Variants in RTF1 observed in about 807,000 individuals in gnomAD.
The protein encoded by RTF1 is RTF1 homolog, Paf1/RNA polymerase II complex component, also known as RNA polymerase-associated protein RTF1 homolog.
RTF1 carries 10 observed loss-of-function variants against 95.7 expected under a neutral mutation model. The ratio of observed to expected loss-of-function variants is 0.10; its 90% confidence interval spans 0.06 to 0.18. The LOEUF (loss-of-function observed/expected upper bound fraction) is 0.18, where lower values mean the gene tolerates loss of function less well. Ranked by LOEUF, RTF1 falls within the 10% of genes least tolerant of loss-of-function variation. The pLI, the probability that RTF1 is intolerant of heterozygous loss-of-function variation, is 1.00. For synonymous variants in RTF1, 305 were observed against 311.8 expected (o/e 0.98, Z 0.23); for missense variants, 458 against 875.6 (o/e 0.52, Z 6.02).
chr15:41,439,506 A>G (rs80040310), intron 2 of RTF1, among the ~76,000 whole-genome samples: 2 of 152,078 alleles, frequency 1.3e-5, no homozygotes, highest in South Asian at 2.1e-4. Context: ...GGAAAATCCA[A>G]CTGTTCATTG....
intron 1 of RTF1, among the ~76,000 whole-genome samples, chr15:41,436,305 A>T (rs1248839017): frequency 1.3e-5 from 2 of 151,188 alleles, no homozygotes; most frequent in African/African-American, 2.4e-5. Context: ...AAAAAAAAAA[A>T]AAAAATTAGC....
At position 41,483,203 on chromosome 15, in the gene RTF1, A is replaced by T. The variant is rs1878547538; in HGVS notation, c.*2516A>T. 6.6e-6 allele frequency: 1 copy of T among 152,180 alleles called. No homozygotes were observed. The highest frequency in any genetic ancestry group is 2.1e-4 in the South Asian group (1 of 4,790). 9.4% of individuals were successfully genotyped at this position (152,180 alleles called of 1,614,324 possible). A position where few individuals can be genotyped will look rare whatever the true frequency, so the allele number is the denominator to read the frequency against. Reference sequence around the variant, plus strand: ...CAAGATCTTGGTCAGGCATTAAGACACTGGCTTTGTCCTACCAACTAGGAT... The same window carrying T: ...CAAGATCTTGGTCAGGCATTAAGACTCTGGCTTTGTCCTACCAACTAGGAT... On this transcript the variant is annotated 3_prime_UTR_variant, in exon 18 of 18. Coordinates refer to ENST00000389629, the MANE Select transcript of RTF1 (RefSeq NM_015138.5).
At chr15:41,460,665 C>T (rs2050842855) in intron 4 of RTF1, among the ~76,000 whole-genome samples, 1 of 151,780 alleles carries the variant, frequency 6.6e-6, no homozygotes, top group Non-Finnish European at 1.5e-5. Flanking sequence ...GTGAATGAGA[C>T]AGTTGACTGA....
At chr15:41,461,326 C>T (rs1208795612) in intron 4 of RTF1, among the ~76,000 whole-genome samples, 1 of 151,904 alleles carries the variant, frequency 6.6e-6, no homozygotes, top group Non-Finnish European at 1.5e-5. Context: ...GGATTACAGG[C>T]GTAAGCCACT....
At chr15:41,425,009 A>C (rs1275230023) in intron 1 of RTF1, among the ~76,000 whole-genome samples, 2 of 152,116 alleles carry the variant, frequency 1.3e-5, no homozygotes, top group African/African-American at 2.4e-5. Flanking sequence ...TCTAAAAAAA[A>C]CAAAAGAAAA....
chr15:41,451,012 G>A (rs2050787197), intron 2 of RTF1, among the ~76,000 whole-genome samples: 1 of 152,040 alleles, frequency 6.6e-6, no homozygotes, highest in Non-Finnish European at 1.5e-5. Context: ...AGGTAAACTA[G>A]CTGACTGTTG....
chr15:41,427,053 G>A (rs1412435415), intron 1 of RTF1, among the ~76,000 whole-genome samples: 1 of 151,080 alleles, frequency 6.6e-6, no homozygotes, highest in African/African-American at 2.4e-5. Context: ...TGTTGGCCAG[G>A]CTGGTCTTGA....
chr15:41,472,573 C>T (rs1448336149), intron 8 of RTF1, among the ~76,000 whole-genome samples: 1 of 152,076 alleles, frequency 6.6e-6, no homozygotes, highest in Admixed American at 6.6e-5. Context: ...GGCTGGAGTG[C>T]AGTGGCACGC....
At chr15:41,438,461 C>T in intron 2 of RTF1, 30 bp downstream of exon 2, 7 of 1,446,870 alleles carry the variant, frequency 4.8e-6, no homozygotes, top group Non-Finnish European at 6.6e-6. Flanking sequence ...GCTTCTGGGA[C>T]CATTAGATAG....
chr15:41,424,313 G>A (rs535492651), intron 1 of RTF1, among the ~76,000 whole-genome samples: 1 of 152,298 alleles, frequency 6.6e-6, no homozygotes, highest in East Asian at 1.9e-4. Flanking sequence ...CCTGGAATAT[G>A]TGTTAAGGAG....
intron 6 of RTF1, among the ~76,000 whole-genome samples, chr15:41,468,972 C>T (rs974953268): frequency 6.6e-6 from 1 of 151,878 alleles, no homozygotes; most frequent in East Asian, 1.9e-4. Flanking sequence ...CCATCTTTTT[C>T]TCTCTCTCTT....
intron 1 of RTF1, among the ~76,000 whole-genome samples, chr15:41,426,684 A>C (rs1044090604): frequency 0.027 from 73 of 2,750 alleles, no homozygotes; most frequent in African/African-American, 0.04. Context: ...CAGGTGATCC[A>C]CCCCGCCCCC....
intron 4 of RTF1, among the ~76,000 whole-genome samples, chr15:41,462,306 T>G (rs1454918881): frequency 6.6e-6 from 1 of 152,136 alleles, no homozygotes; most frequent in Non-Finnish European, 1.5e-5. Context: ...GCAGCACCAG[T>G]AGTGAGATGT....
In RTF1 at chr15:41,474,814, A is replaced by G. The variant is rs2050934421; in HGVS notation, c.1286+112A>G. 5.0e-6 allele frequency: 4 copies of G among 796,760 alleles called. No individual in the cohort carries two copies. In the East Asian group the frequency reaches 9.9e-5, roughly 20 times the overall value. The allele number at this position is 796,760 out of a possible 1,614,324, so 49.4% of individuals were successfully genotyped here. ...TTGTTACCATGAACGCTATGTATGC[A>G]ATCCCCACAAGGTACACTTGGAGGG... On this transcript the variant is annotated intron_variant, in intron 9 of 17. Coordinates refer to ENST00000389629, the MANE Select transcript of RTF1 (RefSeq NM_015138.5).
chr15:41,451,672 C>T (rs1336765077), intron 2 of RTF1, among the ~76,000 whole-genome samples: 2 of 152,196 alleles, frequency 1.3e-5, no homozygotes, highest in Non-Finnish European at 2.9e-5. Context: ...TGCTGCCATT[C>T]ATGCCAAAGA....
chr15:41,457,823 G>C lies in RTF1; in HGVS notation c.609G>C (p.Glu203Asp). 1 of 1,614,138 alleles carries C rather than the reference G, an allele frequency of 6.2e-7. No homozygotes were observed. Among genetic ancestry groups the C allele is most frequent in the East Asian group, 2.2e-5 (1 of 44,878 alleles). The change falls in exon 4 of 18, where the codon GAG becomes GAC. Residue 203 changes from glutamate to aspartate, a missense_variant. This residue lies in a region of RTF1 where 17 missense variants were observed against 69.3 expected (regional missense o/e 0.25). Coordinates refer to ENST00000389629, the MANE Select transcript of RTF1 (RefSeq NM_015138.5). ...GTCTGGAACAGATGACAGAGAAAGA[G>C]AGAGAGCAAGAACTGTTCAATCGCA... is the stretch of plus-strand genomic sequence containing the variant. ...RARLEQMTEK[E>D]REQELFNRIE...
intron 1 of RTF1, among the ~76,000 whole-genome samples, chr15:41,421,310 G>A (rs753953261): frequency 7.2e-5 from 11 of 152,106 alleles, no homozygotes; most frequent in Middle Eastern, 3.2e-3. Flanking sequence ...TACAAAATTA[G>A]CCAGGCATGG....
chr15:41,434,229 C>A (rs2050690657), intron 1 of RTF1, among the ~76,000 whole-genome samples: 1 of 151,508 alleles, frequency 6.6e-6, no homozygotes, highest in South Asian at 2.1e-4. Context: ...GCGGTCCTCC[C>A]ACCTTGGCTT....
chr15:41,429,381 T>G (rs2050656942), intron 1 of RTF1, among the ~76,000 whole-genome samples: 1 of 152,008 alleles, frequency 6.6e-6, no homozygotes, highest in Non-Finnish European at 1.5e-5. Context: ...TTCTGAGTCC[T>G]CTCTGTACTT....
Sources: allele counts gnomAD v4.1 joint callset (sites outside exome capture counted in the v4.1 genomes callset), GRCh38; gene constraint gnomAD v4.1.1; regional missense constraint gnomAD v4.1.1; transcripts MANE v1.5; gene names NCBI Gene and HGNC (gene_info 2026-07-23, HGNC 2026-07-21).